HVCN1: variants seen among roughly 807,000 people sequenced by gnomAD.
The protein encoded by HVCN1 is voltage-gated hydrogen channel 1.
HVCN1 carries 14 observed loss-of-function variants against 29.2 expected under a neutral mutation model. The observed-to-expected ratio is 0.48, with a 90% CI of 0.32 to 0.75. The LOEUF is 0.75. Ranked by LOEUF, HVCN1 falls within the 30% of genes least tolerant of loss-of-function variation. HVCN1 has a pLI of 0.04. For synonymous variants in HVCN1, 131 were observed against 133.2 expected (o/e 0.98, Z 0.11); for missense variants, 263 against 341.8 (o/e 0.77, Z 1.82).
At chr12:110,655,394 C>G in intron 4 of HVCN1, 56 bp from the exon 5 acceptor site, 2 of 1,334,186 alleles carry the variant, frequency 1.5e-6, no homozygotes, top group Non-Finnish European at 2.2e-6. Flanking sequence ...GGCCCTCCCT[C>G]TCCCATCATT....
intron 3 of HVCN1, among the ~76,000 whole-genome samples, chr12:110,678,050 G>A (rs1172339800): frequency 1.3e-5 from 2 of 152,224 alleles, no homozygotes; most frequent in Non-Finnish European, 2.9e-5. Flanking sequence ...TGAGCTCTGT[G>A]CAAAGACCTT....
intron 2 of HVCN1, among the ~76,000 whole-genome samples, chr12:110,698,717 G>A (rs1486451568): frequency 6.6e-6 from 1 of 152,230 alleles, no homozygotes; most frequent in Non-Finnish European, 1.5e-5. Context: ...ACAAGGCCCA[G>A]TGCTGAGTCA....
At chr12:110,673,267 C>A (rs2068643193) in intron 3 of HVCN1, among the ~76,000 whole-genome samples, 1 of 152,080 alleles carries the variant, frequency 6.6e-6, no homozygotes. Context: ...GCATTTTGCC[C>A]CTGCCATAGA....
intron 2 of HVCN1, among the ~76,000 whole-genome samples, chr12:110,699,689 G>A (rs921591009): frequency 9.9e-5 from 15 of 152,196 alleles, no homozygotes; most frequent in African/African-American, 3.6e-4. Flanking sequence ...AGATAACAGC[G>A]CCGCTGCCCC....
At chr12:110,677,789 G>A (rs1593507386) in intron 3 of HVCN1, among the ~76,000 whole-genome samples, 1 of 152,188 alleles carries the variant, frequency 6.6e-6, no homozygotes, top group Non-Finnish European at 1.5e-5. Context: ...CACCGTGACA[G>A]CTGATCAGCT....
At chr12:110,654,045 C>G (rs2067904422) in intron 5 of HVCN1, among the ~76,000 whole-genome samples, 1 of 152,010 alleles carries the variant, frequency 6.6e-6, no homozygotes, top group Non-Finnish European at 1.5e-5. Flanking sequence ...AGTGACAAAG[C>G]AAACACAGCA....
intron 3 of HVCN1, among the ~76,000 whole-genome samples, chr12:110,675,211 C>T (rs188542624): frequency 5.9e-5 from 9 of 152,222 alleles, no homozygotes; most frequent in South Asian, 2.1e-4. Flanking sequence ...GTAATCCCAG[C>T]GCTTTGGGAG....
chr12:110,683,834 C>G (rs889717155), intron 2 of HVCN1, among the ~76,000 whole-genome samples: 10 of 150,500 alleles, frequency 6.6e-5, no homozygotes, highest in African/African-American at 2.2e-4. Context: ...TCGCTTGAAC[C>G]CAGGAGGCAG....
At chr12:110,685,963 T>G (rs117490786) in intron 2 of HVCN1, among the ~76,000 whole-genome samples, 2 of 152,012 alleles carry the variant, frequency 1.3e-5, no homozygotes, top group Non-Finnish European at 1.5e-5. Context: ...ATAATAGGCA[T>G]GAGCCATTGC....
rs1434534725 is a variant in HVCN1 at position 110,651,263 on chromosome 12, G to A, written c.597C>T (p.Gly199=). The A allele has an allele frequency of 6.2e-7, 1 of 1,613,910 alleles. No homozygotes were observed. Among genetic ancestry groups the A allele is most frequent in the Non-Finnish European group, 8.5e-7 (1 of 1,179,944 alleles). The change falls in exon 6 of 8, where the codon GGC becomes GGT. Residue 199 remains glycine, a synonymous_variant. Transcript: ENST00000242607. ...GCCACAGCCGGAGCAGAATCAGCAG[G>A]CCCAGAGCCTCAAACTGGTGCTCCT... ...LFQEHQFEAL[G]LLILLRLWRV...
At chr12:110,657,398 G>A (rs767623805) in intron 4 of HVCN1, among the ~76,000 whole-genome samples, 3 of 152,016 alleles carry the variant, frequency 2.0e-5, no homozygotes, top group African/African-American at 7.3e-5. Context: ...GGGAGGCTGA[G>A]GTAGGAGAAT....
Position 110,686,367 on chromosome 12 carries a change from CCA to C in HVCN1, c.-20+2256_-20+2257del, listed in dbSNP as rs1217282647. ...AACTTTAAAGAGGTTCTTTCTCTCC[CCA>C]CAGTTACATGCTGAGGGTGCAAGGG... On this transcript the variant is annotated intron_variant, in intron 2 of 7. Transcript: ENST00000242607. 3.9e-5 allele frequency among the ~76,000 whole-genome samples: 6 copies of C among 152,010 alleles called. No individual in the cohort carries two copies. The East Asian group carries it at 1.2e-3, about 29-fold the overall frequency.
rs538171450 is a variant in HVCN1 at position 110,704,780 on chromosome 12, C to T, written c.-229+95G>A. The T allele has an allele frequency of 3.3e-5, 5 of 152,392 alleles. No individual in the cohort carries two copies. The East Asian group carries it at 9.6e-4, about 29-fold the overall frequency. 9.4% of individuals were successfully genotyped at this position (152,392 alleles called of 1,614,324 possible). On this transcript the variant is annotated intron_variant, in intron 1 of 4. Coordinates refer to the HVCN1 transcript ENST00000546713. ...CCACACCTGGTGACTAGTAGGCCCC[C>T]AGGTATCCCCCTGGGCTGGGTTTCA...
rs1215239501 is a variant in HVCN1 at position 110,683,217 on chromosome 12, T to C, written c.21+8A>G. The stretch of plus-strand genomic sequence containing the variant: ...CCTCTAATGCTGCAAGACCACAGAA[T>C]CCATTACCTTTTCGTCCCAGGTGGC... On this transcript the variant is annotated splice_region_variant and intron_variant, in intron 3 of 7. Coordinates refer to ENST00000242607, the MANE Select transcript of HVCN1 (RefSeq NM_032369.4). 6.2e-7 allele frequency: 1 copy of C among 1,612,996 alleles called. No individual in the cohort carries two copies. The highest frequency in any genetic ancestry group is 8.5e-7 in the Non-Finnish European group (1 of 1,179,656).
rs2136318053 is a variant in HVCN1, at chr12:110,664,978, AAC to A, written c.22-3532_22-3531del. ...ACCTCATTGAACACCCTAAGCATTCAACAGAAATCCCAGAAAAATCATGCCTT... is the reference window on the plus strand; with the variant it reads ...ACCTCATTGAACACCCTAAGCATTCAAGAAATCCCAGAAAAATCATGCCTT... On this transcript the variant is annotated intron_variant, in intron 3 of 7. Coordinates refer to ENST00000242607, the MANE Select transcript of HVCN1 (RefSeq NM_032369.4). Among the ~76,000 whole-genome samples the A allele has an allele frequency of 1.3e-5, 2 of 152,250 alleles. 1 individual carries two copies. Among genetic ancestry groups the A allele is most frequent in the South Asian group, 4.1e-4 (2 of 4,824 alleles).
chr12:110,664,268 C>A (rs998216111), intron 3 of HVCN1, among the ~76,000 whole-genome samples: 2 of 152,064 alleles, frequency 1.3e-5, no homozygotes, highest in Admixed American at 6.6e-5. Context: ...TAGAAAAATG[C>A]CTTGCACTTA....
chr12:110,691,285 G>C (rs918690429), upstream of HVCN1, among the ~76,000 whole-genome samples: 2 of 148,622 alleles, frequency 1.3e-5, no homozygotes, highest in Non-Finnish European at 3.0e-5. Flanking sequence ...GGATGGTCTC[G>C]ATCTCCTGAC....
chr12:110,694,205 G>A (rs2069455411), upstream of HVCN1, among the ~76,000 whole-genome samples: 3 of 152,168 alleles, frequency 2.0e-5, no homozygotes, highest in South Asian at 6.2e-4. The surrounding 1 kb of genome is among the most constrained non-coding windows in gnomAD (Gnocchi z 4.6). Context: ...TGGGACCACA[G>A]GCATGCATCA....
chr12:110,654,683 T>C (rs1221927895), intron 5 of HVCN1, among the ~76,000 whole-genome samples: 1 of 152,170 alleles, frequency 6.6e-6, no homozygotes, highest in Non-Finnish European at 1.5e-5. Flanking sequence ...TTTCATTATG[T>C]TGGCCAGGCT....
Sources: gnomAD v4.1 joint callset for allele counts (sites outside exome capture counted in the v4.1 genomes callset) on GRCh38, gnomAD v4.1.1 for gene constraint, Gnocchi (gnomAD v3.1) non-coding constraint, MANE v1.5 for transcripts, NCBI Gene and HGNC (gene_info 2026-07-23, HGNC 2026-07-21) for gene names.